ZC3HAV1: variants seen among roughly 807,000 people sequenced by gnomAD.
ZC3HAV1 encodes zinc finger CCCH-type containing, antiviral 1, also known as zinc finger CCCH-type antiviral protein 1.
A neutral mutation model predicts 86.6 loss-of-function variants in ZC3HAV1; 41 were observed. The observed-to-expected ratio is 0.47, with a 90% CI of 0.37 to 0.61. The LOEUF (loss-of-function observed/expected upper bound fraction) is 0.61, where lower values mean the gene tolerates loss of function less well. ZC3HAV1 is among the 20% of genes least tolerant of loss of function. The pLI is 0.00. For synonymous variants in ZC3HAV1, 421 were observed against 432.1 expected (o/e 0.97, Z 0.32); for missense variants, 964 against 1,141.1 (o/e 0.84, Z 2.24).
At chr7:139,085,792 C>G (rs1817257821) in intron 2 of ZC3HAV1, among the ~76,000 whole-genome samples, 1 of 152,106 alleles carries the variant, frequency 6.6e-6, no homozygotes, top group Non-Finnish European at 1.5e-5. Context: ...GCGGGAGGAT[C>G]ACCTGAGGTC....
chr7:139,100,980 T>C (rs1035939866), intron 1 of ZC3HAV1, among the ~76,000 whole-genome samples: 1 of 152,246 alleles, frequency 6.6e-6, no homozygotes, highest in Admixed American at 6.5e-5. Flanking sequence ...GTGCCTGCGA[T>C]TGCAGGCGCG....
chr7:139,066,379 G>A (rs902070361), intron 7 of ZC3HAV1, among the ~76,000 whole-genome samples: 37 of 152,152 alleles, frequency 2.4e-4, no homozygotes, highest in African/African-American at 8.2e-4. Flanking sequence ...AGAAAGGCCC[G>A]AGCTGGGTCT....
chr7:139,094,423 T>C (rs552792512), intron 1 of ZC3HAV1, among the ~76,000 whole-genome samples: 1 of 151,396 alleles, frequency 6.6e-6, no homozygotes, highest in East Asian at 1.9e-4. Context: ...AACAAGCGTT[T>C]GCAGAATGCT....
intron 3 of ZC3HAV1, 78 bp downstream of exon 3, chr7:139,083,702 G>C: frequency 1.3e-6 from 2 of 1,481,938 alleles, no homozygotes; most frequent in Admixed American, 2.4e-5. Context: ...ACTCCAGCTT[G>C]GGTGACAGAG....
intron 1 of ZC3HAV1, among the ~76,000 whole-genome samples, chr7:139,097,414 ATATATATATATATATT>A (rs1817625139): frequency 1.3e-5 from 1 of 75,664 alleles, no homozygotes; most frequent in Non-Finnish European, 2.3e-5. Flanking sequence ...ATATATATAT[ATATATATATATATATT>A]TTTTTTTTTT....
At chr7:139,059,850 T>G (rs1442559765) in intron 9 of ZC3HAV1, among the ~76,000 whole-genome samples, 1 of 152,214 alleles carries the variant, frequency 6.6e-6, no homozygotes, top group Non-Finnish European at 1.5e-5. Context: ...ACCAGAGCAG[T>G]TAACATTTTC....
chr7:139,078,191 A>T (rs534229574), intron 5 of ZC3HAV1, among the ~76,000 whole-genome samples: 2 of 152,304 alleles, frequency 1.3e-5, no homozygotes, highest in Admixed American at 1.3e-4. Context: ...GTGAGCTGAG[A>T]TTACACCACT....
intron 1 of ZC3HAV1, among the ~76,000 whole-genome samples, chr7:139,104,721 C>CAAAAAAAAAA (rs1157897700): frequency 2.1e-4 from 4 of 19,242 alleles, no homozygotes; most frequent in Non-Finnish European, 2.2e-4. Flanking sequence ...GACTCTGTCA[C>CAAAAAAAAAA]AAAAAAAAAA....
intron 2 of ZC3HAV1, among the ~76,000 whole-genome samples, chr7:139,086,016 A>G (rs944231759): frequency 6.6e-6 from 1 of 150,486 alleles, no homozygotes; most frequent in African/African-American, 2.5e-5. Flanking sequence ...ATCTCAAAAA[A>G]GAAAAAAAAA....
At chr7:139,092,919 G>A (rs1009541306) in intron 1 of ZC3HAV1, among the ~76,000 whole-genome samples, 12 of 152,126 alleles carry the variant, frequency 7.9e-5, no homozygotes, top group South Asian at 2.1e-4. Flanking sequence ...ATTCTGCTTC[G>A]TTTTCCCACA....
In ZC3HAV1 at chr7:139,047,863, A is replaced by C. The variant is rs750994718; in HGVS notation, c.2450-10T>G. ...TTTGCAAAGTAAATTCCTAGAAAGA[A>C]TCAGAAAGAAAAGTTAAGAAATATT... On this transcript the variant is annotated splice_polypyrimidine_tract_variant and intron_variant, in intron 12 of 12. Coordinates refer to ENST00000242351, the MANE Select transcript of ZC3HAV1 (RefSeq NM_020119.4). 6.9e-6 allele frequency: 11 copies of C among 1,605,164 alleles called. No homozygotes were observed. Among genetic ancestry groups the C allele is most frequent in the Non-Finnish European group, 9.3e-6 (11 of 1,178,438 alleles).
intron 2 of ZC3HAV1, among the ~76,000 whole-genome samples, chr7:139,085,375 T>C (rs551818011): frequency 1.3e-5 from 2 of 152,366 alleles, no homozygotes; most frequent in African/African-American, 4.8e-5. Context: ...CACATTTCAA[T>C]TGTACAAGTT....
intron 1 of ZC3HAV1, among the ~76,000 whole-genome samples, chr7:139,102,376 C>T (rs993048289): frequency 6.6e-6 from 1 of 152,110 alleles, no homozygotes; most frequent in African/African-American, 2.4e-5. Context: ...GAGATTCTCC[C>T]ACCTCGGCCT....
At chr7:139,080,791 T>C (rs1363221440) in intron 3 of ZC3HAV1, among the ~76,000 whole-genome samples, 2 of 152,100 alleles carry the variant, frequency 1.3e-5, no homozygotes, top group Non-Finnish European at 2.9e-5. Flanking sequence ...CTGGGGTCAA[T>C]GGAGAGATAG....
At chr7:139,080,453 G>A (rs1257513420) in intron 3 of ZC3HAV1, among the ~76,000 whole-genome samples, 2 of 152,058 alleles carry the variant, frequency 1.3e-5, no homozygotes, top group Non-Finnish European at 2.9e-5. Flanking sequence ...TTTAAGAGAT[G>A]GAGTGTTGCT....
chr7:139,096,859 G>A (rs79988465), intron 1 of ZC3HAV1, among the ~76,000 whole-genome samples: 5,529 of 152,206 alleles, frequency 0.036, 345 homozygotes, highest in African/African-American at 0.13. Flanking sequence ...TCCTGGGGGC[G>A]CAGTGGCTTA....
intron 1 of ZC3HAV1, among the ~76,000 whole-genome samples, chr7:139,094,102 C>T (rs990106155): frequency 6.6e-6 from 1 of 152,146 alleles, no homozygotes. Context: ...AATTCTCAGG[C>T]CCCATCCCAG....
chr7:139,091,467 C>CA (rs1168856456), intron 1 of ZC3HAV1, among the ~76,000 whole-genome samples: 1 of 151,546 alleles, frequency 6.6e-6, no homozygotes, highest in Non-Finnish European at 1.5e-5. Flanking sequence ...GACTCTGTCT[C>CA]AAAAAAATAA....
intron 9 of ZC3HAV1, among the ~76,000 whole-genome samples, chr7:139,055,538 A>C (rs1816259059): frequency 6.6e-6 from 1 of 152,234 alleles, no homozygotes; most frequent in Non-Finnish European, 1.5e-5. Context: ...ATTGACTTAA[A>C]ATGTAAAAGT....
Sources: allele counts gnomAD v4.1 joint callset (sites outside exome capture counted in the v4.1 genomes callset), GRCh38; gene constraint gnomAD v4.1.1; transcripts MANE v1.5; gene names NCBI Gene and HGNC (gene_info 2026-07-23, HGNC 2026-07-21).